Variants in IL2RB observed in about 807,000 individuals in gnomAD.
IL2RB encodes the protein interleukin 2 receptor subunit beta, also known as interleukin-2 receptor subunit beta.
In IL2RB, 17 loss-of-function variants were observed where a neutral mutation model predicts 44.2. That is an observed-to-expected ratio of 0.38 (90% CI 0.26 to 0.58). IL2RB has a LOEUF of 0.58. Ranked by LOEUF, IL2RB falls within the 20% of genes least tolerant of loss-of-function variation. The pLI, the probability that IL2RB is intolerant of heterozygous loss-of-function variation, is 0.63. For synonymous variants in IL2RB, 286 were observed against 297.9 expected (o/e 0.96, Z 0.41); for missense variants, 624 against 685.5 (o/e 0.91, Z 1.00).
At chr22:37,165,568 G>A (rs957381860) in intron 1 of IL2RB, among the ~76,000 whole-genome samples, 1 of 152,196 alleles carries the variant, frequency 6.6e-6, no homozygotes. Flanking sequence ...CAGGAAATAG[G>A]CATGGGAACG....
At chr22:37,130,272 C>T (rs1921360074) in intron 9 of IL2RB, among the ~76,000 whole-genome samples, 1 of 152,232 alleles carries the variant, frequency 6.6e-6, no homozygotes, top group Non-Finnish European at 1.5e-5. Flanking sequence ...GTGTGTGCAG[C>T]CAGAGAGGGA....
chr22:37,154,316 C>T (rs1158604742), upstream of IL2RB, among the ~76,000 whole-genome samples: 1 of 152,194 alleles, frequency 6.6e-6, no homozygotes, highest in Non-Finnish European at 1.5e-5. Flanking sequence ...CCTTCACATC[C>T]TCTATGTAAC....
intron 2 of IL2RB, among the ~76,000 whole-genome samples, 187 bp downstream of exon 2, chr22:37,143,884 CGTGTGTGTGTGTGT>C (rs55819516): frequency 7.2e-6 from 1 of 139,818 alleles, no homozygotes; most frequent in Non-Finnish European, 1.5e-5. Flanking sequence ...CTTGGAGAGG[CGTGTGTGTGTGTGT>C]GTGTGTGTGT....
chr22:37,169,545 C>T (rs988681144), intron 1 of IL2RB, among the ~76,000 whole-genome samples: 1 of 152,196 alleles, frequency 6.6e-6, no homozygotes, highest in African/African-American at 2.4e-5. Flanking sequence ...ATCCAAGCAT[C>T]CTGAGTCTGG....
In IL2RB at chr22:37,142,736, C is replaced by T. The variant is rs373136549; in HGVS notation, c.204-224G>A. On this transcript the variant is annotated intron_variant, in intron 3 of 9. Transcript: ENST00000216223. ...GCTCCCTCATCCCAGCCTGGTCCCACGGCAGCTGGAGTGATCTAGAAACAC... is the reference window on the plus strand; with the variant it reads ...GCTCCCTCATCCCAGCCTGGTCCCATGGCAGCTGGAGTGATCTAGAAACAC... 2.8e-4 allele frequency: 195 copies of T among 692,780 alleles called. No individual in the cohort carries two copies. The African/African-American group carries it at 3.0e-3, about 11-fold the overall frequency. The allele number at this position is 692,780 out of a possible 1,614,324, so 42.9% of individuals were successfully genotyped here. A position where few individuals can be genotyped will look rare whatever the true frequency, so the allele number is the denominator to read the frequency against.
chr22:37,166,742 T>G (rs1156803547), intron 1 of IL2RB: 2 of 152,110 alleles, frequency 1.3e-5, no homozygotes, highest in Non-Finnish European at 2.9e-5. Flanking sequence ...TCGAGACTTG[T>G]GCTGCAGGAG....
chr22:37,161,588 G>C (rs1922875209), intron 1 of IL2RB, among the ~76,000 whole-genome samples: 1 of 120,940 alleles, frequency 8.3e-6, no homozygotes, highest in Admixed American at 8.9e-5. Flanking sequence ...CCAGACCTCA[G>C]GCGGGGAGAG....
intron 1 of IL2RB, among the ~76,000 whole-genome samples, chr22:37,160,961 G>A (rs1922846965): frequency 6.6e-6 from 1 of 152,158 alleles, no homozygotes; most frequent in South Asian, 2.1e-4. Flanking sequence ...GACCAACGTG[G>A]TGAAACCCCA....
At chr22:37,164,202 C>T (rs192568877) in intron 1 of IL2RB, among the ~76,000 whole-genome samples, 4 of 152,284 alleles carry the variant, frequency 2.6e-5, no homozygotes, top group Non-Finnish European at 5.9e-5. Context: ...CACTACTTCA[C>T]CCCCAACCTC....
Position 37,138,937 on chromosome 22 carries a change from G to A in IL2RB, c.388+180C>T, listed in dbSNP as rs114453050. 9.3e-4 allele frequency: 534 copies of A among 574,686 alleles called. 3 individuals are homozygous for A. Among genetic ancestry groups the A allele is most frequent in the African/African-American group, 8.9e-3 (477 of 53,654 alleles). 35.6% of individuals were successfully genotyped at this position (574,686 alleles called of 1,614,324 possible). ...GGAGGCCCAGGGCTGGATCCTGAGC[G>A]GCCTTGAATGCCAGAGGAAGGAGCC... On this transcript the variant is annotated intron_variant, in intron 5 of 9. Coordinates refer to ENST00000216223, the MANE Select transcript of IL2RB (RefSeq NM_000878.5).
intron 1 of IL2RB, among the ~76,000 whole-genome samples, chr22:37,165,110 A>T (rs1923023505): frequency 6.6e-6 from 1 of 152,250 alleles, no homozygotes; most frequent in Non-Finnish European, 1.5e-5. Context: ...CCTATTTTGC[A>T]GATGAAAAAA....
At chr22:37,130,041 G>A (rs1034405090) in intron 9 of IL2RB, among the ~76,000 whole-genome samples, 3 of 151,768 alleles carry the variant, frequency 2.0e-5, no homozygotes, top group Admixed American at 2.0e-4. Context: ...ACACACACAC[G>A]CTTACATGCA....
intron 3 of IL2RB, chr22:37,142,729 G>A (rs1187644241): frequency 1.3e-5 from 9 of 700,310 alleles, no homozygotes; most frequent in East Asian, 2.7e-5. Flanking sequence ...ATCCCAGCCT[G>A]GTCCCACGGC....
intron 1 of IL2RB, among the ~76,000 whole-genome samples, chr22:37,158,557 A>C (rs535709097): frequency 2.6e-5 from 4 of 151,516 alleles, no homozygotes; most frequent in African/African-American, 9.7e-5. Context: ...GACTCCGTCT[A>C]AAAAAAATAG....
chr22:37,149,709 G>A lies in IL2RB; in HGVS notation c.-34+116C>T, dbSNP rs375417153. 1.2e-3 allele frequency: 432 copies of A among 364,704 alleles called. 14 individuals are homozygous for A. In the South Asian group the frequency reaches 0.043, roughly 36 times the overall value. The allele number at this position is 364,704 out of a possible 1,614,324, so 22.6% of individuals were successfully genotyped here. A position where few individuals can be genotyped will look rare whatever the true frequency, so the allele number is the denominator to read the frequency against. On this transcript the variant is annotated intron_variant, in intron 1 of 9. Transcript: ENST00000216223. ...TCTAAGACAAAGTTGGGGGATGGGA[G>A]TTCAGGCAGAAACTGCTGGGGGAAC... is the stretch of plus-strand genomic sequence containing the variant.
intron 1 of IL2RB, among the ~76,000 whole-genome samples, chr22:37,156,162 C>T (rs1191579301): frequency 2.0e-5 from 3 of 152,216 alleles, no homozygotes; most frequent in African/African-American, 4.8e-5. Flanking sequence ...CCTCCAGCCT[C>T]CTGTTCCCTC....
intron 5 of IL2RB, among the ~76,000 whole-genome samples, chr22:37,138,284 C>G (rs1191759012): frequency 6.6e-6 from 1 of 152,152 alleles, no homozygotes; most frequent in African/African-American, 2.4e-5. Context: ...TCTATAGAAC[C>G]ACATAAGTGA....
chr22:37,130,184 G>T (rs1569040568), intron 9 of IL2RB, among the ~76,000 whole-genome samples: 1 of 152,258 alleles, frequency 6.6e-6, no homozygotes, highest in Non-Finnish European at 1.5e-5. Context: ...AGGGTCGCTG[G>T]CTGGGCAGAG....
rs3218311 is a variant in IL2RB, at chr22:37,134,475, G to A, written c.818+853C>T. ...CAAAAACTTAGCAGAGCACGGTGGC[G>A]TGTGCCTGTAGTCCCAGCTACTCGG... On this transcript the variant is annotated intron_variant, in intron 8 of 9. Coordinates refer to ENST00000216223, the MANE Select transcript of IL2RB (RefSeq NM_000878.5). Among the ~76,000 whole-genome samples the A allele has an allele frequency of 3.2e-3, 484 of 152,258 alleles. 4 individuals carry two copies. Among genetic ancestry groups the A allele is most frequent in the African/African-American group, 0.011 (467 of 41,526 alleles).
Sources: allele counts gnomAD v4.1 joint callset (sites outside exome capture counted in the v4.1 genomes callset), GRCh38; gene constraint gnomAD v4.1.1; transcripts MANE v1.5; gene names NCBI Gene and HGNC (gene_info 2026-07-23, HGNC 2026-07-21).